TRPM3: variants seen among roughly 807,000 people sequenced by gnomAD.
The protein encoded by TRPM3 is long transient receptor potential channel 3.
In TRPM3, 77 loss-of-function variants were observed where a neutral mutation model predicts 181.2. The ratio of observed to expected loss-of-function variants is 0.42; its 90% confidence interval spans 0.35 to 0.51. TRPM3 has a LOEUF of 0.51. TRPM3 is among the 20% of genes least tolerant of loss of function. TRPM3 has a pLI of 0.01. For missense variants in TRPM3, 1,759 were observed against 2,196.7 expected (o/e 0.80, Z 3.98); for synonymous variants, 745 against 796.4 (o/e 0.94, Z 1.09).
intron 1 of TRPM3, among the ~76,000 whole-genome samples, chr9:70,896,647 A>C (rs540005190): frequency 6.6e-6 from 1 of 152,318 alleles, no homozygotes; most frequent in South Asian, 2.1e-4. Flanking sequence ...CAAAAACTAT[A>C]GAGGTACTTA....
chr9:71,357,803 A>G (rs2091968438), intron 1 of TRPM3, among the ~76,000 whole-genome samples: 1 of 151,248 alleles, frequency 6.6e-6, no homozygotes, highest in Admixed American at 6.6e-5. Context: ...ATACAGAGAG[A>G]TTGAGTCAAA....
intron 7 of TRPM3, among the ~76,000 whole-genome samples, chr9:70,777,986 G>GAC (rs149258078): frequency 0.17 from 25,353 of 149,162 alleles, 2,569 homozygotes; most frequent in East Asian, 0.4. Context: ...AAATTTAACA[G>GAC]ACACAGACAC....
chr9:71,023,456 T>C (rs1054711376), intron 1 of TRPM3, among the ~76,000 whole-genome samples: 1 of 152,130 alleles, frequency 6.6e-6, no homozygotes, highest in African/African-American at 2.4e-5. Flanking sequence ...TCAGCTATTA[T>C]ATAGACTAAC....
intron 1 of TRPM3, among the ~76,000 whole-genome samples, chr9:71,207,557 C>G (rs2079200015): frequency 1.3e-5 from 2 of 152,054 alleles, no homozygotes; most frequent in Non-Finnish European, 2.9e-5. Context: ...ATGTGATATC[C>G]AGAATGTATC....
intron 9 of TRPM3, among the ~76,000 whole-genome samples, chr9:70,643,914 G>A (rs926469955): frequency 2.0e-5 from 3 of 152,176 alleles, no homozygotes; most frequent in South Asian, 4.1e-4. Flanking sequence ...TGCGTTCAAA[G>A]ATACTGATTT....
At chr9:70,859,289 T>C (rs1007913712) in intron 3 of TRPM3, among the ~76,000 whole-genome samples, 3 of 152,210 alleles carry the variant, frequency 2.0e-5, no homozygotes, top group African/African-American at 7.2e-5. Flanking sequence ...TCAGGAGGGC[T>C]GTCGAAGCCA....
intron 1 of TRPM3, among the ~76,000 whole-genome samples, chr9:71,282,061 G>GAAGGAAAGAAAGAAAGGAA (rs2084756020): frequency 1.2e-5 from 1 of 85,370 alleles, no homozygotes; most frequent in Non-Finnish European, 2.4e-5. Flanking sequence ...AACAGAAAGA[G>GAAGGAAAGAAAGAAAGGAA]AGAAAGAAAG....
chr9:71,046,784 A>G (rs1490665761), intron 1 of TRPM3, among the ~76,000 whole-genome samples: 1 of 152,272 alleles, frequency 6.6e-6, no homozygotes, highest in Non-Finnish European at 1.5e-5. Context: ...TAAAAGCAAC[A>G]TACATATTGA....
chr9:70,561,782 A>G (rs2049159547), intron 22 of TRPM3, among the ~76,000 whole-genome samples: 1 of 152,226 alleles, frequency 6.6e-6, no homozygotes, highest in African/African-American at 2.4e-5. Context: ...ACAGTGCAAC[A>G]GACACACAGC....
Position 70,535,681 on chromosome 9 carries a change from C to T in TRPM3, c.*272G>A. 7.0e-7 allele frequency: 1 copy of T among 1,436,466 alleles called. No individual in the cohort carries two copies. Among genetic ancestry groups the T allele is most frequent in the Non-Finnish European group, 9.1e-7 (1 of 1,102,760 alleles). 89.0% of individuals were successfully genotyped at this position (1,436,466 alleles called of 1,614,324 possible). A position where few individuals can be genotyped will look rare whatever the true frequency, so the allele number is the denominator to read the frequency against. ...TCTGCTGTGACTGCGGATACACATTCATCTCTAACCCTTCCTTCTCCCTCT... is the reference window on the plus strand; with the variant it reads ...TCTGCTGTGACTGCGGATACACATTTATCTCTAACCCTTCCTTCTCCCTCT... On this transcript the variant is annotated 3_prime_UTR_variant, in exon 26 of 26. Transcript: ENST00000677713.
intron 1 of TRPM3, among the ~76,000 whole-genome samples, chr9:70,971,390 C>CTTGG (rs1313363680): frequency 2.0e-5 from 3 of 152,194 alleles, no homozygotes; most frequent in African/African-American, 7.2e-5. Flanking sequence ...CATTTATCCC[C>CTTGG]TTGGTGATCC....
chr9:70,635,859 G>A (rs1394944096), intron 11 of TRPM3, among the ~76,000 whole-genome samples: 2 of 152,134 alleles, frequency 1.3e-5, no homozygotes, highest in African/African-American at 4.8e-5. Context: ...TGTAAGGGAG[G>A]TTGTCAACTC....
intron 1 of TRPM3, among the ~76,000 whole-genome samples, chr9:71,170,994 A>G (rs1054409991): frequency 6.6e-6 from 1 of 151,476 alleles, no homozygotes; most frequent in Non-Finnish European, 1.5e-5. Context: ...TCCCTGAGAA[A>G]GAGAATATGC....
intron 7 of TRPM3, among the ~76,000 whole-genome samples, chr9:70,769,963 G>A (rs2079905221): frequency 6.6e-6 from 1 of 152,142 alleles, no homozygotes; most frequent in Non-Finnish European, 1.5e-5. Flanking sequence ...TGTACTTCAA[G>A]CCTATTTGGG....
chr9:70,608,595 G>A (rs1369344147), intron 19 of TRPM3, among the ~76,000 whole-genome samples: 1 of 152,154 alleles, frequency 6.6e-6, no homozygotes, highest in Non-Finnish European at 1.5e-5. Flanking sequence ...CAGCACTTTG[G>A]TAGGCTGAGG....
intron 21 of TRPM3, among the ~76,000 whole-genome samples, chr9:70,596,465 C>G (rs1428087824): frequency 1.3e-5 from 2 of 152,152 alleles, no homozygotes; most frequent in Admixed American, 1.3e-4. Context: ...GGCATGGTGG[C>G]TCACACCTGT....
chr9:71,305,380 T>C (rs975160351), intron 1 of TRPM3, among the ~76,000 whole-genome samples: 9 of 152,276 alleles, frequency 5.9e-5, no homozygotes, highest in Admixed American at 5.9e-4. Context: ...ATAAAATGAC[T>C]GCATTCATCA....
Position 70,549,576 on chromosome 9 carries a change from A to G in TRPM3, c.3673T>C (p.Ser1225Pro), listed in dbSNP as rs1470941057. 2 of 1,613,644 alleles carry G rather than the reference A, an allele frequency of 1.2e-6. No individual in the cohort carries two copies. The highest frequency in any genetic ancestry group is 1.3e-5 in the African/African-American group (1 of 74,860). ...GTCACCCGTATCCTCTCATCATTAG[A>G]TGAGTTGAACCGATCATCCTTTTCT... ...FREKDDRFNS[S>P]NDERIRVTSE... The change falls in exon 25 of 26, where the codon TCT becomes CCT. Residue 1225 changes from serine to proline, a missense_variant. Transcript: ENST00000677713.
intron 1 of TRPM3, among the ~76,000 whole-genome samples, chr9:70,942,792 A>C (rs1350266118): frequency 6.6e-6 from 1 of 152,158 alleles, no homozygotes; most frequent in African/African-American, 2.4e-5. Context: ...GGGTTTCTCA[A>C]ATTTTGGTGA....
Sources: allele counts gnomAD v4.1 joint callset (sites outside exome capture counted in the v4.1 genomes callset), GRCh38; gene constraint gnomAD v4.1.1; transcripts MANE v1.5; gene names NCBI Gene and HGNC (gene_info 2026-07-23, HGNC 2026-07-21).